VAMP2: variants seen among roughly 807,000 people sequenced by gnomAD.
VAMP2 encodes vesicle-associated membrane protein 2.
For missense variants in VAMP2, 95 were observed against 151.3 expected (o/e 0.63, Z 1.95); for synonymous variants, 67 against 57.3 (o/e 1.17, Z -0.76).
chr17:8,162,560 C>T lies in VAMP2; in HGVS notation c.3-191G>A, dbSNP rs887348500. ...TGCGTGACCTTGAGCGAGGCCCCCC[C>T]GGCCTCAGTTTCCCCGCCTGTCAAC... On this transcript the variant is annotated intron_variant, in intron 1 of 4. Transcript: ENST00000316509. The T allele has an allele frequency of 6.4e-5, 94 of 1,463,568 alleles. 1 individual carries two copies. The East Asian group carries it at 2.1e-3, about 32-fold the overall frequency. 90.7% of individuals were successfully genotyped at this position (1,463,568 alleles called of 1,614,324 possible). A position where few individuals can be genotyped will look rare whatever the true frequency, so the allele number is the denominator to read the frequency against.
intron 2 of VAMP2, among the ~76,000 whole-genome samples, 171 bp from the exon 3 acceptor site, chr17:8,161,937 G>C (rs1439429436): frequency 6.6e-6 from 1 of 152,142 alleles, no homozygotes; most frequent in Non-Finnish European, 1.5e-5. Context: ...CATGCAAGGA[G>C]CACACATCAG....
chr17:8,161,821 G>A, intron 2 of VAMP2, 55 bp from the exon 3 acceptor site: 3 of 1,586,282 alleles, frequency 1.9e-6, no homozygotes, highest in Non-Finnish European at 1.7e-6. Context: ...CTCAGTGAGG[G>A]CAATCCTCAA....
At position 8,160,100 on chromosome 17, in the gene VAMP2, G is replaced by A. The variant is rs962524578; in HGVS notation, c.*755C>T. ...ACCAGAGCAGCCTGGTTCCCCAAAAGCCCAGGCTCCCCACCACCTGCGAGT... is the reference window on the plus strand; with the variant it reads ...ACCAGAGCAGCCTGGTTCCCCAAAAACCCAGGCTCCCCACCACCTGCGAGT... On this transcript the variant is annotated 3_prime_UTR_variant, in exon 5 of 5. Transcript: ENST00000316509. 1.3e-5 allele frequency: 2 copies of A among 152,190 alleles called. No individual in the cohort carries two copies. The highest frequency in any genetic ancestry group is 4.8e-5 in the African/African-American group (2 of 41,390). The allele number at this position is 152,190 out of a possible 1,614,324, so 9.4% of individuals were successfully genotyped here. A position where few individuals can be genotyped will look rare whatever the true frequency, so the allele number is the denominator to read the frequency against.
At position 8,160,725 on chromosome 17, in the gene VAMP2, GAC is replaced by G. The variant is rs942219594; in HGVS notation, c.*128_*129del. The G allele has an allele frequency of 8.3e-6, 6 of 719,716 alleles. No individual in the cohort carries two copies. Among genetic ancestry groups the G allele is most frequent in the South Asian group, 6.3e-5 (2 of 31,654 alleles). 44.6% of individuals were successfully genotyped at this position (719,716 alleles called of 1,614,324 possible). ...AATAACAGCTGGCTATTTACAGGGG[GAC>G]ACACACACGGACACACACACACACG... On this transcript the variant is annotated 3_prime_UTR_variant, in exon 5 of 5. Coordinates refer to ENST00000316509, the MANE Select transcript of VAMP2 (RefSeq NM_014232.3).
chr17:8,160,364 C>G lies in VAMP2; in HGVS notation c.*491G>C, dbSNP rs1344494376. On this transcript the variant is annotated 3_prime_UTR_variant, in exon 5 of 5. Transcript: ENST00000316509. ...ACAAAGAAGATGTACCTAAGGAAGCCTGGACAGGTGCTGTTGTTTTTTTTT... is the reference window on the plus strand; with the variant it reads ...ACAAAGAAGATGTACCTAAGGAAGCGTGGACAGGTGCTGTTGTTTTTTTTT... 8.5e-6 allele frequency: 1 copy of G among 117,760 alleles called. No homozygotes were observed. Among genetic ancestry groups the G allele is most frequent in the African/African-American group, 3.1e-5 (1 of 32,726 alleles). 7.3% of individuals were successfully genotyped at this position (117,760 alleles called of 1,614,324 possible).
intron 2 of VAMP2, 64 bp from the exon 3 acceptor site, chr17:8,161,830 A>T: frequency 1.9e-6 from 3 of 1,576,952 alleles, no homozygotes; most frequent in South Asian, 2.3e-5. Flanking sequence ...GGCAATCCTC[A>T]AACATGTGCC....
rs371988242 is a variant in VAMP2 at position 8,161,674 on chromosome 17, C to T, written c.216G>A (p.Ala72=). 2.2e-5 allele frequency: 36 copies of T among 1,614,202 alleles called. No homozygotes were observed. The highest frequency in any genetic ancestry group is 1.2e-4 in the Admixed American group (7 of 60,026). ...CGCTTGTTTCAAACTGGGAGGCCCC[C>T]GCCTGGAGTGCATCTGCACGGTCGT... ...ELDDRADALQ[A]GASQFETSAA... The change falls in exon 3 of 5, where the codon GCG becomes GCA. Residue 72 remains alanine, a synonymous_variant. Transcript: ENST00000316509.
chr17:8,160,811 TG>T lies in VAMP2; in HGVS notation c.*43del. 6.3e-7 allele frequency: 1 copy of T among 1,597,384 alleles called. No individual in the cohort carries two copies. The highest frequency in any genetic ancestry group is 8.5e-7 in the Non-Finnish European group (1 of 1,170,196). ...GAGAGGTGGAGGAACGGCTGAGGGT[TG>T]GGGGAGAGGCCCTTCTCTAGGCAGG... On this transcript the variant is annotated 3_prime_UTR_variant, in exon 5 of 5. Transcript: ENST00000316509.
At chr17:8,161,439 G>T in intron 4 of VAMP2, 34 bp downstream of exon 4, 1 of 1,613,066 alleles carries the variant, frequency 6.2e-7, no homozygotes, top group Non-Finnish European at 8.5e-7. Flanking sequence ...AACCTCTCCA[G>T]GGAAAGGGCC....
At position 8,161,602 on chromosome 17, in the gene VAMP2, C is replaced by G; in HGVS notation, c.282+6G>C. The G allele has an allele frequency of 1.9e-6, 3 of 1,614,092 alleles. No homozygotes were observed. The highest frequency in any genetic ancestry group is 2.5e-6 in the Non-Finnish European group (3 of 1,179,946). ...CACCTGTCCTCCTTCCTGTCCCCAC[C>G]CTTACCTTGAGGTTTTTCCACCAGT... On this transcript the variant is annotated splice_donor_region_variant and intron_variant, in intron 3 of 4. Coordinates refer to ENST00000316509, the MANE Select transcript of VAMP2 (RefSeq NM_014232.3).
intron 1 of VAMP2, chr17:8,162,664 G>A: frequency 7.2e-7 from 1 of 1,387,876 alleles, no homozygotes; most frequent in Non-Finnish European, 9.3e-7. Flanking sequence ...GGAGGGGCAG[G>A]AGGACACTGG....
chr17:8,162,819 T>G, intron 1 of VAMP2, 59 bp downstream of exon 1: 1 of 1,214,734 alleles, frequency 8.2e-7, no homozygotes, highest in Non-Finnish European at 1.0e-6. Context: ...GACGGCCGGT[T>G]GCCAAGGGCG....
At position 8,162,733 on chromosome 17, in the gene VAMP2, G is replaced by C. The variant is rs919671838; in HGVS notation, c.2+145C>G. On this transcript the variant is annotated intron_variant, in intron 1 of 4. Transcript: ENST00000316509. ...GCCAGCCCGGGACGCGGGGCTCCTC[G>C]GCCGCCCGCGCGCAGTCACCGGCTT... The C allele has an allele frequency of 1.2e-5, 15 of 1,282,588 alleles. No homozygotes were observed. The African/African-American group carries it at 1.9e-4, about 16-fold the overall frequency. The allele number at this position is 1,282,588 out of a possible 1,614,324, so 79.5% of individuals were successfully genotyped here.
chr17:8,162,935 C>T lies in VAMP2; in HGVS notation c.-56G>A. The T allele has an allele frequency of 8.3e-7, 1 of 1,202,672 alleles. No individual in the cohort carries two copies. The highest frequency in any genetic ancestry group is 1.0e-6 in the Non-Finnish European group (1 of 969,240). 74.5% of individuals were successfully genotyped at this position (1,202,672 alleles called of 1,614,324 possible). Reference sequence around the variant, plus strand: ...CGGCAGTGATGGCGGCGGCGGCTCGCGCTGGCTCCGACTGGCGCTGGCTGC... The same window carrying T: ...CGGCAGTGATGGCGGCGGCGGCTCGTGCTGGCTCCGACTGGCGCTGGCTGC... On this transcript the variant is annotated 5_prime_UTR_variant, in exon 1 of 5. Coordinates refer to ENST00000316509, the MANE Select transcript of VAMP2 (RefSeq NM_014232.3).
chr17:8,161,106 C>A (rs574633800), intron 4 of VAMP2: 1 of 555,564 alleles, frequency 1.8e-6, no homozygotes. Flanking sequence ...ATCCTCTGAG[C>A]CTCTGAGACC....
chr17:8,159,538 G>T lies in VAMP2; in HGVS notation c.*1317C>A, dbSNP rs538247472. On this transcript the variant is annotated 3_prime_UTR_variant, in exon 5 of 5. Transcript: ENST00000316509. The stretch of plus-strand genomic sequence containing the variant: ...GAGGGGCAAGCATCCCCGTTTTCCA[G>T]CAAGTCCCATACACACATTGGCAGT... 3.3e-5 allele frequency: 5 copies of T among 152,740 alleles called. No homozygotes were observed. In the East Asian group the frequency reaches 7.7e-4, roughly 24 times the overall value. The allele number at this position is 152,740 out of a possible 1,614,324, so 9.5% of individuals were successfully genotyped here. A position where few individuals can be genotyped will look rare whatever the true frequency, so the allele number is the denominator to read the frequency against.
chr17:8,161,433 T>A (rs2151865282), intron 4 of VAMP2, 40 bp downstream of exon 4: 2 of 1,612,176 alleles, frequency 1.2e-6, no homozygotes, highest in East Asian at 4.5e-5. Flanking sequence ...TGGGGAAACC[T>A]CTCCAGGGAA....
Position 8,160,590 on chromosome 17 carries a change from A to G in VAMP2, c.*265T>C, listed in dbSNP as rs757198274. 9 of 237,640 alleles carry G rather than the reference A, an allele frequency of 3.8e-5. No individual in the cohort carries two copies. The highest frequency in any genetic ancestry group is 2.3e-4 in the Admixed American group (4 of 17,728). 14.7% of individuals were successfully genotyped at this position (237,640 alleles called of 1,614,324 possible). A position where few individuals can be genotyped will look rare whatever the true frequency, so the allele number is the denominator to read the frequency against. ...AAGAAAGGGAAAGGGAAGGAAGGCA[A>G]GAGAGAGGGGTGAAGGGAACCTCAG... On this transcript the variant is annotated 3_prime_UTR_variant, in exon 5 of 5. Coordinates refer to ENST00000316509, the MANE Select transcript of VAMP2 (RefSeq NM_014232.3).
chr17:8,161,695 G>A lies in VAMP2; in HGVS notation c.195C>T (p.Asp65=), dbSNP rs1402394315. The A allele has an allele frequency of 1.2e-6, 2 of 1,614,072 alleles. No individual in the cohort carries two copies. The highest frequency in any genetic ancestry group is 1.7e-5 in the Admixed American group (1 of 60,010). ...ERDQKLSELD[D]RADALQAGAS... ...CCCCCGCCTGGAGTGCATCTGCACG[G>A]TCGTCCAGCTCCGACAGCTTCTGGT... Residue 65 remains aspartate, a synonymous_variant, in exon 3 of 5, where the codon GAC becomes GAT. Transcript: ENST00000316509.
Sources: gnomAD v4.1 joint callset for allele counts (sites outside exome capture counted in the v4.1 genomes callset) on GRCh38, gnomAD v4.1.1 for gene constraint, MANE v1.5 for transcripts, NCBI Gene and HGNC (gene_info 2026-07-23, HGNC 2026-07-21) for gene names.